The following LRRC37A2 variants were observed in gnomAD, a reference collection of about 807,000 sequenced individuals.
The protein encoded by LRRC37A2 is leucine rich repeat containing 37 member A2.
In LRRC37A2, 9 loss-of-function variants were observed where a neutral mutation model predicts 68.8. That is an observed-to-expected ratio of 0.13 (90% CI 0.08 to 0.23). The LOEUF (loss-of-function observed/expected upper bound fraction) is 0.23, where lower values mean the gene tolerates loss of function less well. Among genes scored for constraint, LRRC37A2 ranks in the 10% least tolerant of loss-of-function variants. The pLI is 1.00. For synonymous variants in LRRC37A2, 63 were observed against 367.6 expected, an observed-to-expected ratio of 0.17 and a Z score of 9.48; for missense variants, 168 against 950.4, an observed-to-expected ratio of 0.18 and a Z score of 10.82.
the LRRC37A2 span, among the ~76,000 whole-genome samples, chr17:47,014,663 C>T: frequency 6.6e-6 from 1 of 151,702 alleles, no homozygotes; most frequent in South Asian, 2.1e-4. Flanking sequence ...AGGGGTTAGT[C>T]TCCCCCCGCT....
the LRRC37A2 span, among the ~76,000 whole-genome samples, chr17:46,485,991 A>AC: frequency 2.4e-4 from 19 of 78,276 alleles, 1 homozygote; most frequent in East Asian, 3.1e-3. Context: ...AAAAAAAAAA[A>AC]AAAAAACAGA....
At chr17:46,804,490 TGTAAGACA>T in the LRRC37A2 span, among the ~76,000 whole-genome samples, 77 of 152,230 alleles carry the variant, frequency 5.1e-4, no homozygotes, top group Non-Finnish European at 9.7e-4. Flanking sequence ...AGGGAAGTGC[TGTAAGACA>T]CCAGACGGAA....
chr17:46,908,825 C>A, the LRRC37A2 span, among the ~76,000 whole-genome samples: 19 of 152,286 alleles, frequency 1.2e-4, no homozygotes, highest in South Asian at 8.3e-4. Context: ...TGCCCTCATA[C>A]CCCACTCTGA....
chr17:46,631,061 TAC>T, the LRRC37A2 span, among the ~76,000 whole-genome samples: 653 of 122,442 alleles, frequency 5.3e-3, 7 homozygotes, highest in African/African-American at 0.014. Flanking sequence ...TCTCTCTCTG[TAC>T]ACACACACAC....
chr17:46,927,506 A>G, the LRRC37A2 span, among the ~76,000 whole-genome samples: 2 of 152,184 alleles, frequency 1.3e-5, no homozygotes, highest in Admixed American at 1.3e-4. Flanking sequence ...TTCTTCAGAA[A>G]GTTTGAAAGC....
At chr17:46,830,722 T>C in the LRRC37A2 span, 1 of 398,660 alleles carries the variant, frequency 2.5e-6, no homozygotes, top group Non-Finnish European at 4.4e-6. Flanking sequence ...GTGACACTTC[T>C]CATGGCTAGA....
chr17:46,739,134 C>T, the LRRC37A2 span, among the ~76,000 whole-genome samples: 3 of 152,240 alleles, frequency 2.0e-5, no homozygotes, highest in Admixed American at 6.5e-5. Flanking sequence ...CTTTGGGAGG[C>T]CAAGGTAGGT....
the LRRC37A2 span, among the ~76,000 whole-genome samples, chr17:46,797,634 C>G: frequency 6.6e-6 from 1 of 152,232 alleles, no homozygotes; most frequent in Non-Finnish European, 1.5e-5. Flanking sequence ...ACCCAAAGTT[C>G]CACGCCTAGG....
chr17:46,754,370 G>A, the LRRC37A2 span, among the ~76,000 whole-genome samples: 1 of 152,020 alleles, frequency 6.6e-6, no homozygotes, highest in Non-Finnish European at 1.5e-5. Context: ...TCCGTGGTTG[G>A]AGTGGGAGTC....
At chr17:47,009,798 T>G in the LRRC37A2 span, among the ~76,000 whole-genome samples, 2 of 152,200 alleles carry the variant, frequency 1.3e-5, no homozygotes, top group African/African-American at 4.8e-5. Flanking sequence ...CACTTAGAAG[T>G]CCCTTGTACT....
the LRRC37A2 span, among the ~76,000 whole-genome samples, chr17:46,715,350 G>A: frequency 2.2e-4 from 34 of 152,090 alleles, no homozygotes; most frequent in Admixed American, 3.9e-4. Flanking sequence ...TTTGTTTTTC[G>A]TTTTCCCTCT....
the LRRC37A2 span, among the ~76,000 whole-genome samples, chr17:47,022,168 C>CTCTTTTTTTTT: frequency 1.5e-4 from 3 of 19,722 alleles, no homozygotes; most frequent in African/African-American, 1.9e-4. Context: ...TTTTTGTTCT[C>CTCTTTTTTTTT]TTTTTTTTTT....
At chr17:46,569,068 G>C in the LRRC37A2 span, among the ~76,000 whole-genome samples, 1 of 140,080 alleles carries the variant, frequency 7.1e-6, no homozygotes, top group African/African-American at 2.8e-5. Flanking sequence ...TCAGCCTCCC[G>C]AGTAGCTGGG....
chr17:47,024,819 TTAGA>T, the LRRC37A2 span: 1 of 647,348 alleles, frequency 1.5e-6, no homozygotes, highest in Non-Finnish European at 2.8e-6. Context: ...GGGGTTCAAA[TTAGA>T]TAATCTCTCA....
the LRRC37A2 span, among the ~76,000 whole-genome samples, chr17:46,815,550 G>A: frequency 6.6e-6 from 1 of 152,142 alleles, no homozygotes; most frequent in African/African-American, 2.4e-5. Context: ...GCCAGGCGGG[G>A]GGCTGGGTTG....
chr17:46,772,365 C>A, the LRRC37A2 span, among the ~76,000 whole-genome samples: 2 of 152,352 alleles, frequency 1.3e-5, no homozygotes, highest in East Asian at 1.9e-4. Context: ...GGTAGCGCTC[C>A]CAGAGCCGCT....
At chr17:46,904,446 C>CTGGATGGATGGA in the LRRC37A2 span, among the ~76,000 whole-genome samples, 2 of 136,958 alleles carry the variant, frequency 1.5e-5, no homozygotes, top group Non-Finnish European at 3.1e-5. Context: ...GGCTGGCTGA[C>CTGGATGGATGGA]TGGATGGATG....
the LRRC37A2 span, among the ~76,000 whole-genome samples, chr17:46,494,812 CTTTTT>C: frequency 2.0e-5 from 3 of 150,850 alleles, no homozygotes; most frequent in Non-Finnish European, 4.4e-5. Context: ...GATGTTTATC[CTTTTT>C]TTTGTATTGG....
At chr17:46,845,407 G>T in the LRRC37A2 span, among the ~76,000 whole-genome samples, 1 of 151,938 alleles carries the variant, frequency 6.6e-6, no homozygotes, top group East Asian at 1.9e-4. Flanking sequence ...TGAGCCCAGT[G>T]CCCAAACAGA....
Sources: allele counts gnomAD v4.1 joint callset (sites outside exome capture counted in the v4.1 genomes callset), GRCh38; gene constraint gnomAD v4.1.1; transcripts MANE v1.5; gene names NCBI Gene and HGNC (gene_info 2026-07-23, HGNC 2026-07-21).